Variants in TGM3 observed in about 807,000 individuals in gnomAD.
The protein encoded by TGM3 is transglutaminase 3, also known as protein-glutamine gamma-glutamyltransferase E.
TGM3 carries 52 observed loss-of-function variants against 73.8 expected under a neutral mutation model. The ratio of observed to expected loss-of-function variants is 0.70; its 90% CI spans 0.56 to 0.89. The LOEUF is 0.89. Ranked by LOEUF, TGM3 falls within the 40% of genes least tolerant of loss-of-function variation. TGM3 has a pLI of 0.00. For synonymous variants in TGM3, 372 were observed against 354.9 expected, an observed-to-expected ratio of 1.05 and a Z score of -0.54; for missense variants, 928 against 909.9, an observed-to-expected ratio of 1.02 and a Z score of -0.26.
rs117562608 is a variant in TGM3 at position 2,297,056 on chromosome 20, G to A, written c.7+986G>A. On this transcript the variant is annotated intron_variant, in intron 1 of 12. Coordinates refer to ENST00000381458, the MANE Select transcript of TGM3 (RefSeq NM_003245.4). ...CCTGTCTCCCATTCCTTGCTGTAAT[G>A]TACAGCATGGCTGGGATGCTAAGAA... Among the ~76,000 whole-genome samples, 1,113 of 152,312 alleles carry A rather than the reference G, an allele frequency of 7.3e-3. 7 individuals are homozygous for A. The highest frequency in any genetic ancestry group is 0.024 in the Middle Eastern group (7 of 294).
At chr20:2,330,509 A>G (rs2084314324) in intron 9 of TGM3, among the ~76,000 whole-genome samples, 1 of 152,234 alleles carries the variant, frequency 6.6e-6, no homozygotes, top group African/African-American at 2.4e-5. Context: ...GAGGAAACTT[A>G]GACCAGGGGT....
At position 2,309,765 on chromosome 20, in the gene TGM3, A is replaced by G; in HGVS notation, c.116A>G (p.Gln39Arg). ...ELILRRGQNF[Q>R]VLMIMNKGLG... ...ATCTTGCGGAGAGGCCAAAACTTCC[A>G]GGTCTTAATGATCATGAACAAAGGC... Residue 39 changes from glutamine to arginine, a missense_variant, in exon 2 of 13, where the codon CAG becomes CGG. Physicochemically the swap from Gln to Arg is conservative, Grantham distance 43. Transcript: ENST00000381458. 11 of 1,614,230 alleles carry G rather than the reference A, an allele frequency of 6.8e-6. No homozygotes were observed. The highest frequency in any genetic ancestry group is 7.6e-6 in the Non-Finnish European group (9 of 1,180,040).
At position 2,339,935 on chromosome 20, in the gene TGM3, T is replaced by G; in HGVS notation, c.1882T>G (p.Cys628Gly). The change falls in exon 12 of 13, where the codon TGC becomes GGC. Residue 628 changes from cysteine to glycine, a missense_variant. By Grantham distance (159) the Cys-to-Gly change is radical. Transcript: ENST00000381458. ...SNPLDEPVRD[C>G]VLMVEGSGLL... The stretch of plus-strand genomic sequence containing the variant: ...TCCACTGGATGAGCCGGTGAGGGAC[T>G]GCGTGCTGATGGTGGAGGGAAGCGG... 6.5e-7 allele frequency: 1 copy of G among 1,539,440 alleles called. No homozygotes were observed. Among genetic ancestry groups the G allele is most frequent in the Non-Finnish European group, 8.8e-7 (1 of 1,133,900 alleles).
intron 3 of TGM3, among the ~76,000 whole-genome samples, 196 bp from the exon 4 acceptor site, chr20:2,310,815 T>C (rs560688731): frequency 6.6e-5 from 10 of 152,160 alleles, no homozygotes; most frequent in African/African-American, 2.2e-4. Context: ...GACCCTCGGG[T>C]CATCCTAGCT....
chr20:2,317,561 C>A, intron 7 of TGM3, 76 bp downstream of exon 7: 1 of 1,589,808 alleles, frequency 6.3e-7, no homozygotes. Flanking sequence ...CCTTCTGGGA[C>A]CCAGGTCCAA....
chr20:2,310,078 A>G, intron 2 of TGM3, 100 bp from the exon 3 acceptor site: 1 of 1,538,582 alleles, frequency 6.5e-7, no homozygotes, highest in Non-Finnish European at 8.8e-7. Flanking sequence ...ATGGCGCTTC[A>G]TTGGCTCATG....
At chr20:2,339,552 T>A (rs562207377) in intron 11 of TGM3, among the ~76,000 whole-genome samples, 22 of 152,198 alleles carry the variant, frequency 1.4e-4, no homozygotes, top group Non-Finnish European at 4.4e-5. Context: ...GGAAGCAGGG[T>A]CTGAACTGGA....
chr20:2,340,257 T>A (rs886075021), intron 12 of TGM3, among the ~76,000 whole-genome samples, 177 bp from the exon 13 acceptor site: 4 of 152,154 alleles, frequency 2.6e-5, no homozygotes, highest in African/African-American at 7.2e-5. Context: ...CTGCTTCCCC[T>A]GCTGAAGAGT....
At chr20:2,331,650 T>G (rs1399249225) in intron 9 of TGM3, among the ~76,000 whole-genome samples, 1 of 152,236 alleles carries the variant, frequency 6.6e-6, no homozygotes, top group Admixed American at 6.5e-5. Context: ...TGATTTATTT[T>G]GAAATTATCT....
intron 11 of TGM3, among the ~76,000 whole-genome samples, chr20:2,336,711 G>A (rs767987549): frequency 6.6e-6 from 1 of 151,736 alleles, no homozygotes; most frequent in Non-Finnish European, 1.5e-5. Flanking sequence ...TCAGTGACTG[G>A]GCAGCCAGTC....
chr20:2,340,027 A>AGGGGGCGGGGG (rs1170602903), intron 12 of TGM3, 40 bp downstream of exon 12: 1 of 124,932 alleles, frequency 8.0e-6, no homozygotes, highest in African/African-American at 1.1e-4. Flanking sequence ...GGAGGGCGGG[A>AGGGGGCGGGGG]GGGGGCGGGG....
chr20:2,337,216 C>T (rs2084355483), intron 11 of TGM3, among the ~76,000 whole-genome samples: 1 of 152,148 alleles, frequency 6.6e-6, no homozygotes, highest in South Asian at 2.1e-4. Flanking sequence ...TTGCATTCTT[C>T]CCTGCACAGG....
intron 5 of TGM3, 140 bp from the exon 6 acceptor site, chr20:2,316,928 C>A: frequency 3.0e-6 from 3 of 1,001,202 alleles, no homozygotes; most frequent in South Asian, 3.0e-5. Flanking sequence ...CCCAAGTCAC[C>A]TAGAAAGACA....
intron 10 of TGM3, among the ~76,000 whole-genome samples, chr20:2,333,070 A>G (rs1252242495): frequency 6.6e-6 from 1 of 152,240 alleles, no homozygotes; most frequent in Non-Finnish European, 1.5e-5. Context: ...AAGGATTAGA[A>G]TGCAGGTGTG....
At chr20:2,301,959 C>T (rs2084150595) in intron 1 of TGM3, among the ~76,000 whole-genome samples, 1 of 152,224 alleles carries the variant, frequency 6.6e-6, no homozygotes, top group Admixed American at 6.5e-5. Flanking sequence ...CCTCGGCCTC[C>T]CAAAGTGTTG....
chr20:2,340,821 GCTGCCTGCT>G lies in TGM3; in HGVS notation c.*244_*252del, dbSNP rs2084378233. 1.6e-6 allele frequency: 1 copy of G among 643,792 alleles called. No homozygotes were observed. The allele number at this position is 643,792 out of a possible 1,614,324, so 39.9% of individuals were successfully genotyped here. The stretch of plus-strand genomic sequence containing the variant: ...CATTCCCTGGCCGCTTCTCCCCAGA[GCTGCCTGCT>G]CTGTGAGCCCCACAGCCCTGCTCAT... On this transcript the variant is annotated 3_prime_UTR_variant, in exon 13 of 13. Transcript: ENST00000381458.
At chr20:2,303,723 G>A (rs1600690999) in intron 1 of TGM3, among the ~76,000 whole-genome samples, 1 of 152,060 alleles carries the variant, frequency 6.6e-6, no homozygotes, top group East Asian at 1.9e-4. Context: ...AAGAAGGAAC[G>A]AGTGAACGTT....
intron 7 of TGM3, among the ~76,000 whole-genome samples, chr20:2,318,382 T>A (rs1207312862): frequency 1.3e-5 from 2 of 152,158 alleles, no homozygotes; most frequent in African/African-American, 4.8e-5. Flanking sequence ...GTGCACACTA[T>A]CAATACACAC....
chr20:2,319,251 C>T (rs1302869637), intron 7 of TGM3, among the ~76,000 whole-genome samples: 8 of 152,164 alleles, frequency 5.3e-5, no homozygotes, highest in East Asian at 1.9e-4. Context: ...GGGGTCCCCT[C>T]GGCATACCCT....
Sources: allele counts gnomAD v4.1 joint callset (sites outside exome capture counted in the v4.1 genomes callset), GRCh38; gene constraint gnomAD v4.1.1; transcripts MANE v1.5; gene names NCBI Gene and HGNC (gene_info 2026-07-23, HGNC 2026-07-21).